EPHA6: variants seen among roughly 807,000 people sequenced by gnomAD.
The protein encoded by EPHA6 is EPH receptor A6.
In EPHA6, 50 loss-of-function variants were observed where a neutral mutation model predicts 112.0. That is an observed-to-expected ratio of 0.45 (90% confidence interval 0.36 to 0.56). EPHA6 has a LOEUF of 0.56. Among genes scored for constraint, EPHA6 ranks in the 20% least tolerant of loss-of-function variants. The pLI, the probability that EPHA6 is intolerant of heterozygous loss-of-function variation, is 0.00. For missense variants in EPHA6, 1,280 were observed against 1,417.4 expected (o/e 0.90, Z 1.56); for synonymous variants, 529 against 490.7 (o/e 1.08, Z -1.03).
At chr3:97,617,940 A>G (rs1576091917) in intron 13 of EPHA6, among the ~76,000 whole-genome samples, 1 of 152,186 alleles carries the variant, frequency 6.6e-6, no homozygotes, top group Non-Finnish European at 1.5e-5. Context: ...CTTGATAGAT[A>G]TCTAAAGACC....
At chr3:97,419,331 A>G (rs1165227291) in intron 6 of EPHA6, among the ~76,000 whole-genome samples, 1 of 149,578 alleles carries the variant, frequency 6.7e-6, no homozygotes, top group Admixed American at 6.7e-5. Flanking sequence ...ACAAACAAAC[A>G]AAACAGAAGG....
intron 5 of EPHA6, among the ~76,000 whole-genome samples, chr3:97,246,606 ATTG>A (rs1328730567): frequency 6.6e-6 from 1 of 151,740 alleles, no homozygotes; most frequent in Non-Finnish European, 1.5e-5. Context: ...AGAAATGATT[ATTG>A]TTAATTTAAT....
intron 13 of EPHA6, among the ~76,000 whole-genome samples, chr3:97,624,202 A>C (rs745721319): frequency 9.2e-5 from 14 of 151,636 alleles, no homozygotes; most frequent in Non-Finnish European, 2.1e-4. Context: ...TATTATGTCA[A>C]AGTAATTTTC....
chr3:97,600,420 T>G (rs1274472984), intron 12 of EPHA6, among the ~76,000 whole-genome samples: 1 of 151,380 alleles, frequency 6.6e-6, no homozygotes, highest in Non-Finnish European at 1.5e-5. Flanking sequence ...AGATAGCTCT[T>G]ATTATTTTGA....
At chr3:97,577,611 C>T (rs1008526200) in intron 11 of EPHA6, among the ~76,000 whole-genome samples, 1 of 152,116 alleles carries the variant, frequency 6.6e-6, no homozygotes, top group Non-Finnish European at 1.5e-5. Flanking sequence ...CTCTCCAGGA[C>T]TCATTACCTA....
At chr3:97,561,552 A>G (rs2093192776) in intron 11 of EPHA6, among the ~76,000 whole-genome samples, 1 of 152,064 alleles carries the variant, frequency 6.6e-6, no homozygotes, top group South Asian at 2.1e-4. Flanking sequence ...AAAATTTTAA[A>G]GCTACCAGAG....
intron 2 of EPHA6, among the ~76,000 whole-genome samples, chr3:96,936,754 C>T (rs1462235256): frequency 1.3e-5 from 2 of 152,150 alleles, no homozygotes; most frequent in Admixed American, 6.5e-5. Flanking sequence ...TGCTATCCCT[C>T]ACCACTCCTC....
intron 2 of EPHA6, among the ~76,000 whole-genome samples, chr3:96,977,926 AG>A (rs1196419865): frequency 1.3e-5 from 2 of 152,210 alleles, no homozygotes; most frequent in Non-Finnish European, 2.9e-5. Context: ...TGAGAGGCCA[AG>A]GCAGGTGTAT....
intron 5 of EPHA6, among the ~76,000 whole-genome samples, chr3:97,355,513 C>CA (rs1255869109): frequency 6.6e-6 from 1 of 151,080 alleles, no homozygotes; most frequent in Non-Finnish European, 1.5e-5. Context: ...AACCCCAAGT[C>CA]AAAAAACATA....
At chr3:96,907,479 T>A (rs1265134677) in intron 2 of EPHA6, among the ~76,000 whole-genome samples, 4 of 134,422 alleles carry the variant, frequency 3.0e-5, no homozygotes, top group South Asian at 2.6e-4. Flanking sequence ...GGAAAAAAAA[T>A]TCATTTTGAT....
intron 13 of EPHA6, among the ~76,000 whole-genome samples, chr3:97,627,488 G>A (rs535207013): frequency 6.6e-6 from 1 of 151,910 alleles, no homozygotes; most frequent in South Asian, 2.1e-4. Flanking sequence ...ATATTCCAGG[G>A]AATAGTAATA....
At chr3:97,258,243 T>C (rs1403611626) in intron 5 of EPHA6, among the ~76,000 whole-genome samples, 1 of 140,842 alleles carries the variant, frequency 7.1e-6, no homozygotes, top group Non-Finnish European at 1.5e-5. Context: ...TGTATGAGTA[T>C]ATATATATAC....
intron 3 of EPHA6, among the ~76,000 whole-genome samples, chr3:97,168,533 TTCTC>T (rs1194068535): frequency 1.3e-5 from 2 of 151,688 alleles, no homozygotes; most frequent in African/African-American, 2.4e-5. Context: ...CTCTGTGTGT[TTCTC>T]TCTCTCTCTT....
At chr3:97,479,407 C>T (rs773409371) in intron 9 of EPHA6, 43 bp downstream of exon 9, 2 of 1,351,002 alleles carry the variant, frequency 1.5e-6, no homozygotes, top group East Asian at 2.4e-5. Flanking sequence ...TGTACTGTTC[C>T]AGCACTTCAG....
At chr3:97,576,481 T>C (rs1378238257) in intron 11 of EPHA6, among the ~76,000 whole-genome samples, 1 of 152,180 alleles carries the variant, frequency 6.6e-6, no homozygotes, top group Non-Finnish European at 1.5e-5. Flanking sequence ...AAGGTCTAAG[T>C]GCACACTGGC....
intron 5 of EPHA6, among the ~76,000 whole-genome samples, chr3:97,328,551 T>G (rs1398278806): frequency 6.6e-6 from 1 of 152,084 alleles, no homozygotes; most frequent in Non-Finnish European, 1.5e-5. Flanking sequence ...TGTTTTTTAT[T>G]TTTTTCACTG....
intron 3 of EPHA6, among the ~76,000 whole-genome samples, chr3:97,187,300 G>A (rs180816533): frequency 3.3e-5 from 5 of 152,068 alleles, no homozygotes; most frequent in African/African-American, 1.2e-4. Flanking sequence ...TATATAAGCC[G>A]GGCACGGTGG....
At chr3:97,146,061 G>T (rs974148977) in intron 3 of EPHA6, among the ~76,000 whole-genome samples, 2 of 151,446 alleles carry the variant, frequency 1.3e-5, no homozygotes. Flanking sequence ...TTATTTGATT[G>T]CTCCTTTTAA....
At chr3:97,097,881 T>C (rs763897095) in intron 3 of EPHA6, among the ~76,000 whole-genome samples, 1 of 151,944 alleles carries the variant, frequency 6.6e-6, no homozygotes, top group Non-Finnish European at 1.5e-5. Context: ...ATCACATTTC[T>C]GGATGTGAGT....
Sources: allele counts gnomAD v4.1 joint callset (sites outside exome capture counted in the v4.1 genomes callset), GRCh38; gene constraint gnomAD v4.1.1; transcripts MANE v1.5; gene names NCBI Gene and HGNC (gene_info 2026-07-23, HGNC 2026-07-21).